Variants in TNFRSF1B observed in about 807,000 individuals in gnomAD.
TNFRSF1B encodes tumor necrosis factor receptor superfamily member 1B.
A neutral mutation model predicts 44.6 loss-of-function variants in TNFRSF1B; 19 were observed. That is an observed-to-expected ratio of 0.43 (90% CI 0.30 to 0.62). TNFRSF1B has a LOEUF of 0.62. Ranked by LOEUF, TNFRSF1B falls within the 20% of genes least tolerant of loss-of-function variation. The pLI is 0.16. For synonymous variants in TNFRSF1B, 252 were observed against 261.1 expected (o/e 0.97, Z 0.34); for missense variants, 541 against 619.9 (o/e 0.87, Z 1.35).
chr1:12,185,752 A>G (rs72642622), intron 1 of TNFRSF1B, among the ~76,000 whole-genome samples: 1 of 152,300 alleles, frequency 6.6e-6, no homozygotes, highest in Non-Finnish European at 1.5e-5. Flanking sequence ...TCCCTACAGG[A>G]AAGGACATTG....
intron 8 of TNFRSF1B, among the ~76,000 whole-genome samples, chr1:12,198,646 C>T (rs1040835824): frequency 2.8e-5 from 4 of 144,250 alleles, no homozygotes; most frequent in South Asian, 2.2e-4. Context: ...CAGGAGGGGC[C>T]GGGAGCTGAG....
In TNFRSF1B at chr1:12,192,866, T is replaced by G. The variant is rs1470584008; in HGVS notation, c.555T>G (p.Cys185Trp). ...ACCAAGCCTCCTCCTCCTCCAGCTG[T>G]AACGTGGTGGCCATCCCTGGGAATG... ...STDICRPHQI[C>W]NVVAIPGNAS... is the part of the protein sequence containing the mutation. The change falls in exon 6 of 10, where the codon TGT (cysteine) becomes TGG (tryptophan). Residue 185 changes from cysteine to tryptophan, a missense_variant. Coordinates refer to ENST00000376259, the MANE Select transcript of TNFRSF1B (RefSeq NM_001066.3). 3.7e-6 allele frequency: 6 copies of G among 1,613,062 alleles called. No individual in the cohort carries two copies. Among genetic ancestry groups the G allele is most frequent in the African/African-American group, 1.3e-5 (1 of 74,890 alleles).
chr1:12,174,160 T>TCTTCTTCTTCTTCTC (rs1553162433), intron 1 of TNFRSF1B, among the ~76,000 whole-genome samples: 11 of 67,914 alleles, frequency 1.6e-4, no homozygotes, highest in South Asian at 5.6e-4. Flanking sequence ...TTCTTCTTCT[T>TCTTCTTCTTCTTCTC]CTTCTCCTTC....
rs1476651518 is a variant in TNFRSF1B, at chr1:12,192,957, T to C, written c.646T>C (p.Leu216=). ...TRSMAPGAVH[L]PQPVSTRSQH... Reference sequence around the variant, plus strand: ...GAGTATGGCCCCAGGGGCAGTACACTTACCCCAGCCAGTGTCCACACGATC... The same window carrying C: ...GAGTATGGCCCCAGGGGCAGTACACCTACCCCAGCCAGTGTCCACACGATC... The change falls in exon 6 of 10, where the codon TTA becomes CTA. Residue 216 remains leucine (L), a synonymous_variant. Transcript: ENST00000376259. 2 of 1,614,108 alleles carry C rather than the reference T, an allele frequency of 1.2e-6. No individual in the cohort carries two copies. The highest frequency in any genetic ancestry group is 1.7e-5 in the Admixed American group (1 of 60,018).
intron 8 of TNFRSF1B, among the ~76,000 whole-genome samples, chr1:12,200,919 C>T (rs2101122778): frequency 6.6e-6 from 1 of 152,322 alleles, no homozygotes; most frequent in South Asian, 2.1e-4. Flanking sequence ...CCAAGCCTGG[C>T]CACAAATTAT....
chr1:12,192,245 A>C lies in TNFRSF1B; in HGVS notation c.458-186A>C, dbSNP rs17881199. Reference sequence around the variant, plus strand: ...CCAATCCCGTGCATGTGTGTACAGGAATCTGTGTGTGTGCATGTGTGTACA... The same window carrying C: ...CCAATCCCGTGCATGTGTGTACAGGCATCTGTGTGTGTGCATGTGTGTACA... On this transcript the variant is annotated intron_variant, in intron 4 of 9. Transcript: ENST00000376259. 4.7e-4 allele frequency: 337 copies of C among 712,126 alleles called. 1 individual carries two copies. The African/African-American group carries it at 5.2e-3, about 11-fold the overall frequency. The allele number at this position is 712,126 out of a possible 1,614,324, so 44.1% of individuals were successfully genotyped here. A position where few individuals can be genotyped will look rare whatever the true frequency, so the allele number is the denominator to read the frequency against.
At chr1:12,200,471 A>G (rs1639361782) in intron 8 of TNFRSF1B, among the ~76,000 whole-genome samples, 1 of 152,016 alleles carries the variant, frequency 6.6e-6, no homozygotes, top group Admixed American at 6.5e-5. Flanking sequence ...TGTGGACTGT[A>G]TGGTCTCAGT....
At position 12,180,525 on chromosome 1, in the gene TNFRSF1B, C is replaced by T. The variant is rs1638775242; in HGVS notation, c.79-8271C>T. Among the ~76,000 whole-genome samples, 1 of 152,172 alleles carries T rather than the reference C, an allele frequency of 6.6e-6. No individual in the cohort carries two copies. Among genetic ancestry groups the T allele is most frequent in the Non-Finnish European group, 1.5e-5 (1 of 68,020 alleles). On this transcript the variant is annotated intron_variant, in intron 1 of 9. Transcript: ENST00000376259. The surrounding 1 kb of genome is among the most constrained non-coding windows in gnomAD (Gnocchi z 4.3). ...AGTTGACCCGGGGTTGCTCAATTCC[C>T]CAAGAGCTGACGCAAACTCCAGAAT...
Position 12,206,863 on chromosome 1 carries a change from C to T in TNFRSF1B, c.1229C>T (p.Ser410Phe), listed in dbSNP as rs1472945175. 1 of 1,614,106 alleles carries T rather than the reference C, an allele frequency of 6.2e-7. No individual in the cohort carries two copies. Among genetic ancestry groups the T allele is most frequent in the African/African-American group, 1.3e-5 (1 of 74,944 alleles). ...AGCTCCACAATGGGAGACACAGATT[C>T]CAGCCCCTCGGAGTCCCCGAAGGAC... The part of the protein sequence containing the change: ...QASSTMGDTD[S>F]SPSESPKDEQ... Residue 410 changes from serine (S) to phenylalanine (F), a missense_variant, in exon 10 of 10, where the codon TCC becomes TTC. Coordinates refer to ENST00000376259, the MANE Select transcript of TNFRSF1B (RefSeq NM_001066.3).
chr1:12,189,881 G>A (rs571470739), intron 2 of TNFRSF1B, among the ~76,000 whole-genome samples: 53 of 152,342 alleles, frequency 3.5e-4, no homozygotes, highest in African/African-American at 1.2e-3. Context: ...TGTATACAGG[G>A]AACAGTGTGC....
At position 12,168,468 on chromosome 1, in the gene TNFRSF1B, G is replaced by C. The variant is rs1638444062; in HGVS notation, c.78+1299G>C. On this transcript the variant is annotated intron_variant, in intron 1 of 9. Transcript: ENST00000376259. This position sits in a 1 kb window ranked among gnomAD's most constrained non-coding sequence, Gnocchi z 4.7. ...GGGTCAGGAGAGTCCCCACTCTAGG[G>C]CCGAGTGTGAATGGGGACGACCGTG... Among the ~76,000 whole-genome samples the C allele has an allele frequency of 1.3e-5, 2 of 152,170 alleles. No individual in the cohort carries two copies. Among genetic ancestry groups the C allele is most frequent in the African/African-American group, 4.8e-5 (2 of 41,448 alleles).
intron 3 of TNFRSF1B, 149 bp from the exon 4 acceptor site, chr1:12,191,625 G>C (rs552355172): frequency 3.4e-5 from 31 of 905,418 alleles, no homozygotes; most frequent in Middle Eastern, 3.3e-4. Flanking sequence ...CCTGCCCCTG[G>C]ACTCTGGCCG....
At chr1:12,175,107 C>T (rs1638623787) in intron 1 of TNFRSF1B, among the ~76,000 whole-genome samples, 1 of 152,080 alleles carries the variant, frequency 6.6e-6, no homozygotes, top group Non-Finnish European at 1.5e-5. Context: ...GGGCTGTGGA[C>T]AGGGAGGGGG....
chr1:12,183,783 TACCTAC>T (rs1274465166), intron 1 of TNFRSF1B, among the ~76,000 whole-genome samples: 4 of 137,414 alleles, frequency 2.9e-5, no homozygotes, highest in South Asian at 2.4e-4. Flanking sequence ...CTATTCTATC[TACCTAC>T]CTATCTATCT....
At chr1:12,170,762 G>T (rs1007818372) in intron 1 of TNFRSF1B, among the ~76,000 whole-genome samples, 9 of 151,588 alleles carry the variant, frequency 5.9e-5, no homozygotes, top group Non-Finnish European at 1.2e-4. Flanking sequence ...TGCCTCTTGG[G>T]TTCAAACGAT....
At chr1:12,181,163 A>G (rs1638794243) in intron 1 of TNFRSF1B, among the ~76,000 whole-genome samples, 1 of 152,108 alleles carries the variant, frequency 6.6e-6, no homozygotes, top group Non-Finnish European at 1.5e-5. Context: ...CCCTGGAGGC[A>G]GGATGGAGGC....
chr1:12,198,880 C>T (rs545539635), intron 8 of TNFRSF1B, among the ~76,000 whole-genome samples: 3 of 151,846 alleles, frequency 2.0e-5, no homozygotes, highest in African/African-American at 4.8e-5. Context: ...TTAGTAGAGA[C>T]GGGGTTTCAC....
Position 12,202,096 on chromosome 1 carries a change from A to C in TNFRSF1B, c.1030A>C (p.Thr344Pro). ...SASALDRRAPTRNQPQAPGVE... is the reference protein window; with the variant it reads ...SASALDRRAPPRNQPQAPGVE... Reference sequence around the variant, plus strand: ...CAGTGCGTTGGACAGAAGGGCGCCCACTCGGAACCAGCCACAGGCACCAGG... The same window carrying C: ...CAGTGCGTTGGACAGAAGGGCGCCCCCTCGGAACCAGCCACAGGCACCAGG... Residue 344 changes from threonine to proline, a missense_variant, in exon 9 of 10, where the codon ACT (threonine) becomes CCT (proline). Thr to Pro is a conservative substitution (Grantham distance 38). Transcript: ENST00000376259. 6.3e-7 allele frequency: 1 copy of C among 1,578,684 alleles called. No homozygotes were observed. The highest frequency in any genetic ancestry group is 1.2e-5 in the South Asian group (1 of 86,556).
intron 9 of TNFRSF1B, among the ~76,000 whole-genome samples, chr1:12,203,896 A>G (rs1639445555): frequency 6.6e-6 from 1 of 152,150 alleles, no homozygotes; most frequent in Non-Finnish European, 1.5e-5. Flanking sequence ...CGCCTGGCTA[A>G]CTTTTGTACT....
Sources: gnomAD v4.1 joint callset for allele counts (sites outside exome capture counted in the v4.1 genomes callset) on GRCh38, gnomAD v4.1.1 for gene constraint, Gnocchi (gnomAD v3.1) non-coding constraint, MANE v1.5 for transcripts, NCBI Gene and HGNC (gene_info 2026-07-23, HGNC 2026-07-21) for gene names.